ZMAT4: variants seen among roughly 807,000 people sequenced by gnomAD.
The protein encoded by ZMAT4 is zinc finger matrin-type protein 4.
ZMAT4 carries 17 observed loss-of-function variants against 28.7 expected under a neutral mutation model. That is an observed-to-expected ratio of 0.59 (90% CI 0.41 to 0.89). The LOEUF is 0.89. ZMAT4 is among the 40% of genes least tolerant of loss of function. ZMAT4 has a pLI of 0.00. For synonymous variants in ZMAT4, 117 were observed against 109.2 expected (o/e 1.07, Z -0.44); for missense variants, 240 against 283.8 (o/e 0.85, Z 1.11).
chr8:40,586,740 T>C (rs1418601162), intron 5 of ZMAT4, among the ~76,000 whole-genome samples: 2 of 152,220 alleles, frequency 1.3e-5, no homozygotes, highest in Non-Finnish European at 2.9e-5. Context: ...ATTGAGCCTT[T>C]ATTACTGTGT....
At chr8:40,639,154 C>A (rs571327039) in intron 5 of ZMAT4, among the ~76,000 whole-genome samples, 21 of 152,334 alleles carry the variant, frequency 1.4e-4, no homozygotes, top group Admixed American at 1.2e-3. Context: ...GAAACATGGA[C>A]CGGCCACTCT....
intron 6 of ZMAT4, among the ~76,000 whole-genome samples, chr8:40,575,865 G>A (rs1249838111): frequency 6.6e-6 from 1 of 151,804 alleles, no homozygotes; most frequent in Non-Finnish European, 1.5e-5. Flanking sequence ...AAATATTAAG[G>A]AAATTCAGTG....
chr8:40,701,560 C>G (rs780798928), intron 3 of ZMAT4, among the ~76,000 whole-genome samples: 1 of 132,766 alleles, frequency 7.5e-6, no homozygotes, highest in Non-Finnish European at 1.5e-5. Flanking sequence ...CTCTGCCTCC[C>G]AGGCTGGAGT....
intron 5 of ZMAT4, among the ~76,000 whole-genome samples, chr8:40,619,785 G>A (rs1414591750): frequency 4.6e-5 from 7 of 152,110 alleles, no homozygotes; most frequent in African/African-American, 9.7e-5. Flanking sequence ...CAGGCTTTTC[G>A]ACAATCCCCT....
intron 3 of ZMAT4, among the ~76,000 whole-genome samples, chr8:40,703,056 C>G (rs1053012262): frequency 1.3e-5 from 2 of 152,020 alleles, no homozygotes; most frequent in African/African-American, 2.4e-5. Context: ...AACAGAAACA[C>G]ACACAAAACA....
chr8:40,589,762 T>TTCTTTCTTTCTTTCTTTCTTTCTC (rs139887440), intron 5 of ZMAT4, among the ~76,000 whole-genome samples: 19 of 33,444 alleles, frequency 5.7e-4, no homozygotes, highest in Admixed American at 1.3e-3. Flanking sequence ...CTTTCTTTCT[T>TTCTTTCTTTCTTTCTTTCTTTCTC]TTTCTTTCTT....
At chr8:40,562,323 T>A (rs1803773477) in intron 6 of ZMAT4, among the ~76,000 whole-genome samples, 1 of 152,112 alleles carries the variant, frequency 6.6e-6, no homozygotes, top group South Asian at 2.1e-4. Context: ...CTCTCAGAAA[T>A]CCCATCATCA....
At chr8:40,571,709 TG>T (rs1407267895) in intron 6 of ZMAT4, among the ~76,000 whole-genome samples, 1 of 152,184 alleles carries the variant, frequency 6.6e-6, no homozygotes, top group East Asian at 1.9e-4. Context: ...GAATTAGCCA[TG>T]GGTTCCAGAT....
At chr8:40,618,912 G>A (rs1806107751) in intron 5 of ZMAT4, among the ~76,000 whole-genome samples, 2 of 152,224 alleles carry the variant, frequency 1.3e-5, no homozygotes, top group Admixed American at 1.3e-4. Flanking sequence ...CTAATGGGGA[G>A]TGGGGAAATT....
At chr8:40,570,751 A>AAACAAAC (rs1804071973) in intron 6 of ZMAT4, among the ~76,000 whole-genome samples, 3 of 38,722 alleles carry the variant, frequency 7.7e-5, no homozygotes, top group Non-Finnish European at 1.3e-4. Context: ...AACAAACAAA[A>AAACAAAC]AAACCTTGTG....
intron 3 of ZMAT4, among the ~76,000 whole-genome samples, chr8:40,707,285 T>G (rs564456563): frequency 7.1e-6 from 1 of 141,142 alleles, no homozygotes; most frequent in East Asian, 2.2e-4. Context: ...GAAACTCAAT[T>G]ATTTGGGCTG....
chr8:40,871,091 C>T (rs2150654050), intron 1 of ZMAT4, among the ~76,000 whole-genome samples: 1 of 152,314 alleles, frequency 6.6e-6, no homozygotes, highest in East Asian at 1.9e-4. Flanking sequence ...GAAAGGGCTA[C>T]TCTATGGGAA....
chr8:40,595,955 G>A (rs1805086614), intron 5 of ZMAT4, among the ~76,000 whole-genome samples: 1 of 151,874 alleles, frequency 6.6e-6, no homozygotes, highest in Admixed American at 6.6e-5. Context: ...ATGGTGGTGG[G>A]CGCCTGTAAT....
chr8:40,767,737 A>G lies in ZMAT4; in HGVS notation c.103-7T>C, dbSNP rs748126338. On this transcript the variant is annotated splice_polypyrimidine_tract_variant and splice_region_variant and intron_variant, in intron 2 of 6. Transcript: ENST00000297737. ...TGCTTGCATGTTTTCGACTCTGGGA[A>G]GGAAAAGCATAAGCAGATACTGTAA... The G allele has an allele frequency of 5.6e-6, 9 of 1,610,524 alleles. No homozygotes were observed. In the South Asian group the frequency reaches 8.9e-5, roughly 16 times the overall value.
At chr8:40,543,276 G>A (rs546692286) in intron 6 of ZMAT4, among the ~76,000 whole-genome samples, 3 of 152,288 alleles carry the variant, frequency 2.0e-5, no homozygotes, top group African/African-American at 7.2e-5. Context: ...GAGAAAGCCA[G>A]CACATGCTTG....
intron 1 of ZMAT4, among the ~76,000 whole-genome samples, chr8:40,896,031 G>C (rs1038235431): frequency 2.6e-5 from 4 of 152,128 alleles, no homozygotes; most frequent in African/African-American, 9.7e-5. Flanking sequence ...CAGATAGGAA[G>C]TACAGAAGAG....
chr8:40,696,485 G>A (rs958241679), intron 4 of ZMAT4, among the ~76,000 whole-genome samples: 21 of 152,114 alleles, frequency 1.4e-4, no homozygotes, highest in African/African-American at 5.1e-4. Flanking sequence ...AACCTGTTTG[G>A]TCACATTTCT....
At chr8:40,713,580 G>A (rs893416237) in intron 3 of ZMAT4, among the ~76,000 whole-genome samples, 1 of 152,048 alleles carries the variant, frequency 6.6e-6, no homozygotes, top group African/African-American at 2.4e-5. Flanking sequence ...CACCAGTTAA[G>A]CAAACAACAT....
At chr8:40,842,432 A>G (rs1816736560) in intron 1 of ZMAT4, among the ~76,000 whole-genome samples, 1 of 152,210 alleles carries the variant, frequency 6.6e-6, no homozygotes, top group Non-Finnish European at 1.5e-5. Context: ...TCTTCCAGTT[A>G]TCTTTCTTTC....
Sources: gnomAD v4.1 joint callset for allele counts (sites outside exome capture counted in the v4.1 genomes callset) on GRCh38, gnomAD v4.1.1 for gene constraint, MANE v1.5 for transcripts, NCBI Gene and HGNC (gene_info 2026-07-23, HGNC 2026-07-21) for gene names.